BIN3: variants seen among roughly 807,000 people sequenced by gnomAD.
BIN3 encodes bridging integrator 3.
In BIN3, 41 loss-of-function variants were observed where a neutral mutation model predicts 38.2. The observed-to-expected ratio is 1.07, with a 90% CI of 0.84 to 1.39. The LOEUF is 1.39. Among genes scored for constraint, BIN3 ranks in the 40% most tolerant of loss-of-function variants. The probability of loss-of-function intolerance (pLI) is 0.00; values close to 1 mark genes in which losing one functional copy is unlikely to be tolerated. For synonymous variants in BIN3, 145 were observed against 122.6 expected, an observed-to-expected ratio of 1.18 and a Z score of -1.21; for missense variants, 361 against 324.3, an observed-to-expected ratio of 1.11 and a Z score of -0.87.
chr8:22,640,109 C>T (rs534241447), intron 2 of BIN3, among the ~76,000 whole-genome samples: 15 of 152,180 alleles, frequency 9.9e-5, no homozygotes, highest in Admixed American at 6.5e-4. Flanking sequence ...TGATCCCCCC[C>T]GCCTCGGCCT....
intron 1 of BIN3, among the ~76,000 whole-genome samples, chr8:22,648,259 A>G (rs1802775085): frequency 1.3e-5 from 2 of 152,132 alleles, no homozygotes; most frequent in African/African-American, 4.8e-5. Flanking sequence ...GTCACAAACA[A>G]TGAACCAACA....
chr8:22,634,798 G>A (rs1015685666), intron 4 of BIN3, among the ~76,000 whole-genome samples: 1 of 152,168 alleles, frequency 6.6e-6, no homozygotes, highest in African/African-American at 2.4e-5. Flanking sequence ...GGGCACGGGG[G>A]TGGGCAAAGG....
At chr8:22,665,548 G>A (rs552090346) in intron 1 of BIN3, among the ~76,000 whole-genome samples, 8 of 152,328 alleles carry the variant, frequency 5.3e-5, no homozygotes, top group South Asian at 2.1e-4. Flanking sequence ...AAGGTGAAGC[G>A]TGGCCTGACT....
chr8:22,634,505 T>C (rs769815025), intron 4 of BIN3: 1 of 456,304 alleles, frequency 2.2e-6, no homozygotes, highest in Non-Finnish European at 4.4e-6. Context: ...TACACATCAG[T>C]AACTGGCTGA....
At chr8:22,631,136 G>A (rs1205245621) in intron 4 of BIN3, among the ~76,000 whole-genome samples, 1 of 152,168 alleles carries the variant, frequency 6.6e-6, no homozygotes, top group Non-Finnish European at 1.5e-5. Context: ...AAAGGGATGT[G>A]GCTGTTTCAA....
intron 1 of BIN3, among the ~76,000 whole-genome samples, chr8:22,662,749 G>A (rs929858830): frequency 2.6e-5 from 4 of 151,906 alleles, no homozygotes; most frequent in African/African-American, 9.7e-5. Flanking sequence ...TATATACATA[G>A]ATCAAAATCA....
intron 2 of BIN3, among the ~76,000 whole-genome samples, chr8:22,639,443 G>C (rs1266913318): frequency 6.6e-6 from 1 of 152,088 alleles, no homozygotes; most frequent in Non-Finnish European, 1.5e-5. Flanking sequence ...TGTTGCCTAG[G>C]CTTGTCTTGA....
intron 2 of BIN3, 126 bp downstream of exon 2, chr8:22,644,629 A>G: frequency 1.2e-6 from 1 of 854,048 alleles, no homozygotes; most frequent in East Asian, 2.7e-5. Context: ...GATCCGCATA[A>G]GCAGGAAGAA....
At chr8:22,648,558 T>C (rs1802783779) in intron 1 of BIN3, among the ~76,000 whole-genome samples, 1 of 152,104 alleles carries the variant, frequency 6.6e-6, no homozygotes, top group Non-Finnish European at 1.5e-5. Context: ...AGAAGAGCCA[T>C]CCTCACCACA....
chr8:22,633,940 T>C lies in BIN3; in HGVS notation c.160+2585A>G, dbSNP rs145543031. Among the ~76,000 whole-genome samples the C allele has an allele frequency of 4.7e-4, 71 of 152,342 alleles. 1 individual carries two copies. In the Middle Eastern group the frequency reaches 0.01, roughly 22 times the overall value. On this transcript the variant is annotated intron_variant, in intron 4 of 8. Coordinates refer to ENST00000276416, the MANE Select transcript of BIN3 (RefSeq NM_018688.6). ...CATTCCTGACTGAGGACAGTAGTGT[T>C]AGGCTTCTGCAGTTACCCATTCAAC...
rs2117486261 is a variant in BIN3, at chr8:22,621,333, C to T, written c.*89G>A. 1 of 1,487,524 alleles carries T rather than the reference C, an allele frequency of 6.7e-7. No homozygotes were observed. The highest frequency in any genetic ancestry group is 2.5e-5 in the East Asian group (1 of 40,722). 92.1% of individuals were successfully genotyped at this position (1,487,524 alleles called of 1,614,324 possible). ...AGTGAACCAGGGCCACCTCTGTCCC[C>T]AGCCTGTGAGAGGAGCAGCTAGCCC... On this transcript the variant is annotated 3_prime_UTR_variant, in exon 9 of 9. Coordinates refer to ENST00000276416, the MANE Select transcript of BIN3 (RefSeq NM_018688.6).
rs1801817826 is a variant in BIN3, at chr8:22,621,546, T to C, written c.638A>G (p.His213Arg). ...RAQVVYYSEM[H>R]KIFGDLSHQL... ...ATGGGACAGGTCTCCAAAGATCTTG[T>C]GCATTTCCGAGTAGTACACAACCTG... The change falls in exon 9 of 9, where the codon CAC (histidine) becomes CGC (arginine). Residue 213 changes from histidine to arginine, a missense_variant. His to Arg is a conservative substitution (Grantham distance 29, BLOSUM62 0). Coordinates refer to ENST00000276416, the MANE Select transcript of BIN3 (RefSeq NM_018688.6). The C allele has an allele frequency of 6.2e-7, 1 of 1,613,806 alleles. No individual in the cohort carries two copies. Among genetic ancestry groups the C allele is most frequent in the East Asian group, 2.2e-5 (1 of 44,882 alleles).
At chr8:22,651,738 A>G (rs576270963) in intron 1 of BIN3, among the ~76,000 whole-genome samples, 2 of 152,204 alleles carry the variant, frequency 1.3e-5, no homozygotes, top group African/African-American at 4.8e-5. Context: ...TCTTATAGGA[A>G]TATATGTTTG....
At chr8:22,658,311 A>G (rs1421840883) in intron 1 of BIN3, among the ~76,000 whole-genome samples, 1 of 152,116 alleles carries the variant, frequency 6.6e-6, no homozygotes, top group Non-Finnish European at 1.5e-5. Flanking sequence ...CAAAGGGGGG[A>G]AAGATTCTAT....
intron 1 of BIN3, among the ~76,000 whole-genome samples, chr8:22,664,036 GA>G (rs1245477579): frequency 6.6e-6 from 1 of 152,148 alleles, no homozygotes. Flanking sequence ...TATAAATGTT[GA>G]ACAAGCATTA....
chr8:22,640,875 G>A (rs1399048111), intron 2 of BIN3, among the ~76,000 whole-genome samples: 1 of 152,188 alleles, frequency 6.6e-6, no homozygotes, highest in Non-Finnish European at 1.5e-5. Context: ...GAGAAGGTCA[G>A]GGGTGGGAGC....
rs771473531 is a variant in BIN3 at position 22,644,812 on chromosome 8, G to A, written c.9-9C>T. ...CAATCTTAAAAGGAATCCTATAAGAGAAAGAGACAAAGAGAGATATTGTGA... is the reference window on the plus strand; with the variant it reads ...CAATCTTAAAAGGAATCCTATAAGAAAAAGAGACAAAGAGAGATATTGTGA... On this transcript the variant is annotated splice_polypyrimidine_tract_variant and intron_variant, in intron 1 of 8. Coordinates refer to ENST00000276416, the MANE Select transcript of BIN3 (RefSeq NM_018688.6). 1.9e-6 allele frequency: 3 copies of A among 1,607,714 alleles called. No individual in the cohort carries two copies. Among genetic ancestry groups the A allele is most frequent in the African/African-American group, 2.7e-5 (2 of 74,878 alleles).
chr8:22,631,397 C>T (rs1802197650), intron 4 of BIN3, among the ~76,000 whole-genome samples: 1 of 152,092 alleles, frequency 6.6e-6, no homozygotes, highest in Non-Finnish European at 1.5e-5. Context: ...GGACAAAGAG[C>T]TCCAAAGCTG....
At chr8:22,660,193 G>A (rs971567110) in intron 1 of BIN3, among the ~76,000 whole-genome samples, 17 of 152,220 alleles carry the variant, frequency 1.1e-4, no homozygotes. Flanking sequence ...AGGCAAGTTT[G>A]GATTTTCTTT....
Sources: allele counts gnomAD v4.1 joint callset (sites outside exome capture counted in the v4.1 genomes callset), GRCh38; gene constraint gnomAD v4.1.1; transcripts MANE v1.5; gene names NCBI Gene and HGNC (gene_info 2026-07-23, HGNC 2026-07-21).